Variants in ACAT2 observed in about 807,000 individuals in gnomAD.
The protein encoded by ACAT2 is acetyl-CoA acetyltransferase, cytosolic.
Under a neutral mutation model 37.1 loss-of-function variants are expected in ACAT2, and 26 were observed. The observed-to-expected ratio is 0.70, with a 90% confidence interval of 0.51 to 0.97. The LOEUF is 0.97. Ranked by LOEUF, ACAT2 falls within the 50% of genes least tolerant of loss-of-function variation. The pLI, the probability that ACAT2 is intolerant of heterozygous loss-of-function variation, is 0.00. For missense variants in ACAT2, 468 were observed against 489.0 expected (o/e 0.96, Z 0.40); for synonymous variants, 156 against 163.6 (o/e 0.95, Z 0.35).
At chr6:159,778,384 ATAC>A (rs1780474446) in intron 8 of ACAT2, 104 bp downstream of exon 8, 3 of 731,154 alleles carry the variant, frequency 4.1e-6, no homozygotes, top group Non-Finnish European at 2.1e-6. Flanking sequence ...AGTTAAAGAA[ATAC>A]TAGTTACTAG....
Position 159,779,000 on chromosome 6 carries a change from A to G in ACAT2, c.*171A>G, listed in dbSNP as rs746294053. Reference sequence around the variant, plus strand: ...ATGTGTAATACTCAACTCAAGGTACAAGACAATTGCATTTAACATTGTTAT... The same window carrying G: ...ATGTGTAATACTCAACTCAAGGTACGAGACAATTGCATTTAACATTGTTAT... On this transcript the variant is annotated 3_prime_UTR_variant, in exon 9 of 9. Transcript: ENST00000367048. 1.9e-6 allele frequency: 3 copies of G among 1,592,996 alleles called. No individual in the cohort carries two copies. Among genetic ancestry groups the G allele is most frequent in the Middle Eastern group, 3.4e-4 (2 of 5,966 alleles).
intron 4 of ACAT2, among the ~76,000 whole-genome samples, 190 bp downstream of exon 4, chr6:159,768,818 A>G (rs1173584031): frequency 1.3e-5 from 2 of 152,216 alleles, no homozygotes; most frequent in African/African-American, 4.8e-5. Context: ...AGAGAATGTT[A>G]GAAGTGGGAA....
intron 4 of ACAT2, among the ~76,000 whole-genome samples, chr6:159,772,668 A>G (rs1328660087): frequency 2.0e-5 from 3 of 152,108 alleles, no homozygotes; most frequent in Admixed American, 6.5e-5. Flanking sequence ...GCAGGTGCCT[A>G]TAGTCCCAGC....
At chr6:159,778,424 TAAAAAAAAAAAAA>T (rs1162214335) in intron 8 of ACAT2, 144 bp downstream of exon 8, 7 of 91,402 alleles carry the variant, frequency 7.7e-5, no homozygotes, top group East Asian at 3.0e-4. Context: ...TCCCAAGGTT[TAAAAAAAAAAAAA>T]AAAAAAAAAA....
At chr6:159,775,105 G>A (rs1360277537) in intron 4 of ACAT2, 65 bp from the exon 5 acceptor site, 7 of 1,565,604 alleles carry the variant, frequency 4.5e-6, no homozygotes, top group South Asian at 1.2e-5. Flanking sequence ...AAATGTGGAC[G>A]ACTTGAGCTA....
intron 7 of ACAT2, 27 bp from the exon 8 acceptor site, chr6:159,778,143 C>T (rs754517117): frequency 6.6e-7 from 1 of 1,514,152 alleles, no homozygotes; most frequent in South Asian, 1.1e-5. Context: ...CAAGTTTAGA[C>T]CTCTTTTCTA....
intron 3 of ACAT2, 123 bp downstream of exon 3, chr6:159,767,309 A>G: frequency 2.9e-6 from 3 of 1,035,168 alleles, no homozygotes; most frequent in Non-Finnish European, 2.8e-6. Flanking sequence ...ATAAACAGAA[A>G]TGACAACCTT....
At chr6:159,763,741 G>A (rs1159646977) in intron 2 of ACAT2, among the ~76,000 whole-genome samples, 2 of 131,392 alleles carry the variant, frequency 1.5e-5, no homozygotes, top group Non-Finnish European at 3.1e-5. Context: ...CCGGTTTCAC[G>A]CCATTCTCCT....
At chr6:159,762,689 G>T in intron 1 of ACAT2, 1 of 1,503,232 alleles carries the variant, frequency 6.7e-7, no homozygotes, top group East Asian at 2.6e-5. Flanking sequence ...GGCTACAGCG[G>T]CGTCCCTAGG....
intron 6 of ACAT2, 29 bp from the exon 7 acceptor site, chr6:159,777,273 G>A: frequency 6.2e-7 from 1 of 1,602,478 alleles, no homozygotes; most frequent in South Asian, 1.1e-5. Context: ...AATAAGCATG[G>A]TAGAAATTAA....
At chr6:159,763,405 C>T (rs1271419998) in intron 2 of ACAT2, among the ~76,000 whole-genome samples, 1 of 151,958 alleles carries the variant, frequency 6.6e-6, no homozygotes, top group Admixed American at 6.6e-5. Context: ...ATAAAATAGC[C>T]AGGTATGATG....
At chr6:159,763,105 AACACACACAC>A in intron 2 of ACAT2, 52 bp downstream of exon 2, 3 of 1,522,960 alleles carry the variant, frequency 2.0e-6, no homozygotes, top group East Asian at 2.3e-5. Flanking sequence ...ACAGCCCATA[AACACACACAC>A]ACACACACAC....
intron 4 of ACAT2, among the ~76,000 whole-genome samples, chr6:159,772,554 A>G (rs904724295): frequency 2.0e-5 from 3 of 152,234 alleles, no homozygotes; most frequent in Admixed American, 2.0e-4. Context: ...CTCACACCCT[A>G]TATAAAAGCT....
At chr6:159,762,491 G>T (rs76966223) in intron 1 of ACAT2, 22 of 1,307,882 alleles carry the variant, frequency 1.7e-5, no homozygotes, top group Middle Eastern at 3.0e-4. Context: ...TAATGCCTGC[G>T]GCAGGGGCGG....
intron 2 of ACAT2, among the ~76,000 whole-genome samples, chr6:159,766,516 C>T (rs1780258574): frequency 6.6e-6 from 1 of 152,142 alleles, no homozygotes; most frequent in African/African-American, 2.4e-5. Flanking sequence ...ATTCTCCTGC[C>T]TCAGCCTCCC....
rs1228616816 is a variant in ACAT2, at chr6:159,778,593, CA to C, written c.1024-64del. On this transcript the variant is annotated intron_variant, in intron 8 of 8. Coordinates refer to ENST00000367048, the MANE Select transcript of ACAT2 (RefSeq NM_005891.3). ...TGCTGATACATTAAGAGGAAAAAGA[CA>C]AGTTTAAGATTTTAAACTGTGTCCA... The C allele has an allele frequency of 3.5e-5, 54 of 1,535,342 alleles. No individual in the cohort carries two copies. The African/African-American group carries it at 5.8e-4, about 16-fold the overall frequency.
At chr6:159,777,601 G>A (rs1780446980) in intron 7 of ACAT2, 145 bp downstream of exon 7, 2 of 1,045,982 alleles carry the variant, frequency 1.9e-6, no homozygotes, top group South Asian at 3.5e-5. Flanking sequence ...GTCTTGCTCT[G>A]TTGTCCAGGC....
intron 4 of ACAT2, among the ~76,000 whole-genome samples, chr6:159,774,785 T>C (rs1780388143): frequency 6.6e-6 from 1 of 152,182 alleles, no homozygotes; most frequent in South Asian, 2.1e-4. Context: ...GAAAGTGGCC[T>C]TGTTTTGGGG....
At chr6:159,770,209 A>G (rs1030840714) in intron 4 of ACAT2, among the ~76,000 whole-genome samples, 21 of 152,236 alleles carry the variant, frequency 1.4e-4, no homozygotes, top group African/African-American at 5.1e-4. Flanking sequence ...TAAAATCTCT[A>G]TGTCCAGTTA....
Sources: allele counts gnomAD v4.1 joint callset (sites outside exome capture counted in the v4.1 genomes callset), GRCh38; gene constraint gnomAD v4.1.1; transcripts MANE v1.5; gene names NCBI Gene and HGNC (gene_info 2026-07-23, HGNC 2026-07-21).